The following CAPSL variants were observed in gnomAD, a reference collection of about 807,000 sequenced individuals.
CAPSL encodes calcyphosin-like protein.
CAPSL carries 17 observed loss-of-function variants against 21.3 expected under a neutral mutation model. The ratio of observed to expected loss-of-function variants is 0.80; its 90% confidence interval spans 0.55 to 1.20. The LOEUF is 1.20. Among genes scored for constraint, CAPSL ranks in the 50% most tolerant of loss-of-function variants. The pLI is 0.00. For missense variants in CAPSL, 289 were observed against 259.3 expected (o/e 1.11, Z -0.79); for synonymous variants, 102 against 89.3 (o/e 1.14, Z -0.80).
At chr5:35,929,581 G>A (rs746771591) in intron 1 of CAPSL, among the ~76,000 whole-genome samples, 10 of 152,242 alleles carry the variant, frequency 6.6e-5, no homozygotes, top group South Asian at 4.1e-4. Flanking sequence ...AAGCCACCAC[G>A]CCCGGCCTTG....
At chr5:35,922,769 A>G (rs886198103) in intron 1 of CAPSL, among the ~76,000 whole-genome samples, 9 of 152,182 alleles carry the variant, frequency 5.9e-5, no homozygotes, top group African/African-American at 2.2e-4. Flanking sequence ...GCTTATTACT[A>G]TTTTGTTACC....
rs531072103 is a variant in CAPSL, at chr5:35,928,125, A to T, written c.1-7005T>A. On this transcript the variant is annotated intron_variant, in intron 1 of 4. Coordinates refer to ENST00000651391, the MANE Select transcript of CAPSL (RefSeq NM_001042625.2). ...ACTATGGATCCTCCAGAGGGGATAA[A>T]TGCTGTGTCTTCACATGGCAGAAGA... is the stretch of plus-strand genomic sequence containing the variant. Among the ~76,000 whole-genome samples the T allele has an allele frequency of 7.9e-5, 12 of 152,312 alleles. No individual in the cohort carries two copies. The South Asian group carries it at 2.5e-3, about 32-fold the overall frequency.
chr5:35,924,813 AT>A (rs1429963749), intron 1 of CAPSL, among the ~76,000 whole-genome samples: 1 of 152,196 alleles, frequency 6.6e-6, no homozygotes, highest in Non-Finnish European at 1.5e-5. Context: ...GGAAAAGTTT[AT>A]TAAGCACCGG....
intron 2 of CAPSL, among the ~76,000 whole-genome samples, chr5:35,918,230 G>C (rs547811648): frequency 1.3e-5 from 2 of 152,272 alleles, no homozygotes; most frequent in Non-Finnish European, 2.9e-5. Context: ...ATGATAGACT[G>C]GATAAAGAAA....
At chr5:35,905,672 T>A (rs186920247) in intron 4 of CAPSL, among the ~76,000 whole-genome samples, 221 of 152,368 alleles carry the variant, frequency 1.5e-3, no homozygotes, top group Non-Finnish European at 2.4e-3. Context: ...CCTCTCCTCC[T>A]TTGGATTCCT....
At chr5:35,921,789 C>T (rs943354663) in intron 1 of CAPSL, among the ~76,000 whole-genome samples, 3 of 152,064 alleles carry the variant, frequency 2.0e-5, no homozygotes, top group African/African-American at 7.2e-5. Flanking sequence ...GGGTTATAGT[C>T]CTGACTCTTC....
intron 1 of CAPSL, among the ~76,000 whole-genome samples, chr5:35,930,172 T>C (rs1738785325): frequency 6.6e-6 from 1 of 152,196 alleles, no homozygotes; most frequent in South Asian, 2.1e-4. Flanking sequence ...GGAAATAAGA[T>C]GTCACCGAAG....
chr5:35,906,784 A>C (rs1760688250), intron 4 of CAPSL, among the ~76,000 whole-genome samples: 1 of 152,126 alleles, frequency 6.6e-6, no homozygotes. Context: ...GGATGGGGTG[A>C]CCTGAGTTGA....
Position 35,910,458 on chromosome 5 carries a change from T to C in CAPSL, c.223A>G (p.Met75Val). Residue 75 changes from methionine to valine, a missense_variant, in exon 3 of 5, where the codon ATG becomes GTG. Transcript: ENST00000651391. Reference sequence around the variant, plus strand: ...AGTTCTTCCACCTCTTCTTTTTCCATGACCACAGCATAATCATTTAACCCT... The same window carrying C: ...AGTTCTTCCACCTCTTCTTTTTCCACGACCACAGCATAATCATTTAACCCT... ...MKGLNDYAVVMEKEEVEELFR... is the reference protein window; with the variant it reads ...MKGLNDYAVVVEKEEVEELFR... 1.2e-6 allele frequency: 2 copies of C among 1,613,608 alleles called. No individual in the cohort carries two copies. Among genetic ancestry groups the C allele is most frequent in the Non-Finnish European group, 8.5e-7 (1 of 1,179,540 alleles).
intron 4 of CAPSL, among the ~76,000 whole-genome samples, chr5:35,906,529 G>A (rs1310963073): frequency 6.6e-6 from 1 of 152,104 alleles, no homozygotes; most frequent in Non-Finnish European, 1.5e-5. Flanking sequence ...GCTGGCTGAA[G>A]TTAGGCAACC....
Position 35,904,574 on chromosome 5 carries a change from T to C in CAPSL, c.598A>G (p.Ile200Val), listed in dbSNP as rs2149913870. Residue 200 changes from isoleucine to valine, a missense_variant, in exon 5 of 5, where the codon ATC (isoleucine) becomes GTC (valine). Coordinates refer to ENST00000651391, the MANE Select transcript of CAPSL (RefSeq NM_001042625.2). The part of the protein sequence containing the change: ...ASIDTDVYFI[I>V]MMRTAWKL ...AGCTTCCAGGCGGTTCTCATCATGA[T>C]GATGAAGTACACATCAGTGTCAATG... 3 of 1,613,962 alleles carry C rather than the reference T, an allele frequency of 1.9e-6. 1 individual carries two copies. In the South Asian group the frequency reaches 3.3e-5, roughly 18 times the overall value.
chr5:35,918,556 A>G lies in CAPSL; in HGVS notation c.137+2428T>C, dbSNP rs142845952. ...CAGCAAACCACCATGGCACATGTAT[A>G]CCTATGTAACAAACCTGCACGTTCT... On this transcript the variant is annotated intron_variant, in intron 2 of 4. Coordinates refer to ENST00000651391, the MANE Select transcript of CAPSL (RefSeq NM_001042625.2). Among the ~76,000 whole-genome samples the G allele has an allele frequency of 1.4e-3, 207 of 152,292 alleles. 1 individual carries two copies. The highest frequency in any genetic ancestry group is 4.8e-3 in the African/African-American group (200 of 41,542).
chr5:35,930,235 T>A (rs1738786647), intron 1 of CAPSL, among the ~76,000 whole-genome samples: 1 of 152,194 alleles, frequency 6.6e-6, no homozygotes, highest in African/African-American at 2.4e-5. Flanking sequence ...CTCGAAATGC[T>A]TAAAATGCAT....
At chr5:35,920,345 C>A (rs1738504996) in intron 2 of CAPSL, among the ~76,000 whole-genome samples, 1 of 152,140 alleles carries the variant, frequency 6.6e-6, no homozygotes, top group African/African-American at 2.4e-5. Context: ...GAGATGTGTC[C>A]AATGCCTGGC....
intron 1 of CAPSL, among the ~76,000 whole-genome samples, chr5:35,932,837 CT>C (rs1251385951): frequency 6.6e-6 from 1 of 152,204 alleles, no homozygotes; most frequent in African/African-American, 2.4e-5. Flanking sequence ...CTTTTCACCT[CT>C]GTTCACCCAA....
At position 35,910,492 on chromosome 5, in the gene CAPSL, T is replaced by C. The variant is rs374905244; in HGVS notation, c.189A>G (p.Glu63=). ...CATAATCATTTAACCCTTTCATAAA[T>C]TCTTTAAAATCAAGGGTTCGATTAT... ...DDNNRTLDFK[E]FMKGLNDYAV... is the part of the protein sequence containing the mutation. Residue 63 remains glutamate, a synonymous_variant, in exon 3 of 5, where the codon GAA becomes GAG. Transcript: ENST00000651391. 4.3e-6 allele frequency: 7 copies of C among 1,612,572 alleles called. No individual in the cohort carries two copies. Among genetic ancestry groups the C allele is most frequent in the East Asian group, 2.2e-5 (1 of 44,874 alleles).
At chr5:35,922,437 T>A (rs1738562723) in intron 1 of CAPSL, among the ~76,000 whole-genome samples, 1 of 152,140 alleles carries the variant, frequency 6.6e-6, no homozygotes, top group Non-Finnish European at 1.5e-5. Context: ...ATTCCCAGTA[T>A]GTGGATGAAG....
At chr5:35,927,027 A>T (rs1463957624) in intron 1 of CAPSL, among the ~76,000 whole-genome samples, 1 of 152,204 alleles carries the variant, frequency 6.6e-6, no homozygotes, top group Non-Finnish European at 1.5e-5. Flanking sequence ...ATAGAAAGGG[A>T]CAGCAAATGT....
rs75736388 is a variant in CAPSL, at chr5:35,910,522, G to A, written c.159C>T (p.Asp53=). 590 of 1,601,728 alleles carry A rather than the reference G, an allele frequency of 3.7e-4. 3 individuals carry two copies. In the African/African-American group the frequency reaches 4.6e-3, roughly 13 times the overall value. ...GLGRVFRIMD[D]DNNRTLDFKE... ...TAAAATCAAGGGTTCGATTATTATC[G>A]TCATCCATAATTCTAAACACTCTGA... Residue 53 remains aspartate, a synonymous_variant, in exon 3 of 5, where the codon GAC becomes GAT. Transcript: ENST00000651391.
Sources: gnomAD v4.1 joint callset for allele counts (sites outside exome capture counted in the v4.1 genomes callset) on GRCh38, gnomAD v4.1.1 for gene constraint, MANE v1.5 for transcripts, NCBI Gene and HGNC (gene_info 2026-07-23, HGNC 2026-07-21) for gene names.